The following CTNNBL1 variants were observed in gnomAD, a reference collection of about 807,000 sequenced individuals.
CTNNBL1 encodes catenin beta like 1.
CTNNBL1 carries 31 observed loss-of-function variants against 72.7 expected under a neutral mutation model. The observed-to-expected ratio is 0.43, with a 90% CI of 0.32 to 0.58. The LOEUF (loss-of-function observed/expected upper bound fraction) is 0.58. Ranked by LOEUF, CTNNBL1 falls within the 20% of genes least tolerant of loss-of-function variation. The probability of loss-of-function intolerance (pLI) is 0.08; values close to 1 mark genes in which losing one functional copy is unlikely to be tolerated. For missense variants in CTNNBL1, 534 were observed against 725.1 expected (o/e 0.74, Z 3.03); for synonymous variants, 240 against 267.3 (o/e 0.90, Z 1.00).
At chr20:37,702,349 C>T (rs1018744388) in intron 1 of CTNNBL1, among the ~76,000 whole-genome samples, 4 of 152,182 alleles carry the variant, frequency 2.6e-5, no homozygotes, top group Admixed American at 6.5e-5. Flanking sequence ...ATTGTAATTT[C>T]GTAATTGAGT....
chr20:37,867,205 T>C (rs1465270602), intron 15 of CTNNBL1, among the ~76,000 whole-genome samples: 15 of 152,236 alleles, frequency 9.9e-5, no homozygotes. Context: ...TCTCAGTTTC[T>C]ATTTTGTGGT....
rs568376233 is a variant in CTNNBL1, at chr20:37,782,455, G to C, written c.1031+3120G>C. Among the ~76,000 whole-genome samples the C allele has an allele frequency of 1.2e-4, 19 of 152,208 alleles. 1 individual carries two copies. The South Asian group carries it at 3.7e-3, about 30-fold the overall frequency. The stretch of plus-strand genomic sequence containing the variant: ...TTTATTGAGGCATAATTTTTATACA[G>C]TAAAATGTACGCATTTTAAGTGTAC... On this transcript the variant is annotated intron_variant, in intron 10 of 15. Coordinates refer to ENST00000361383, the MANE Select transcript of CTNNBL1 (RefSeq NM_030877.5).
intron 1 of CTNNBL1, among the ~76,000 whole-genome samples, chr20:37,700,398 C>T (rs978138396): frequency 2.6e-5 from 4 of 152,184 alleles, no homozygotes; most frequent in Admixed American, 1.3e-4. Flanking sequence ...ATTTTTGGGG[C>T]GACTTGGTGG....
At chr20:37,793,543 A>G (rs2073744508) in intron 10 of CTNNBL1, among the ~76,000 whole-genome samples, 1 of 152,152 alleles carries the variant, frequency 6.6e-6, no homozygotes, top group Non-Finnish European at 1.5e-5. Context: ...TTGAATTTGG[A>G]GATAGGGCCT....
chr20:37,717,551 G>A (rs1267702817), intron 1 of CTNNBL1, among the ~76,000 whole-genome samples: 1 of 152,030 alleles, frequency 6.6e-6, no homozygotes, highest in Admixed American at 6.5e-5. Flanking sequence ...GTCAATGGCA[G>A]GTGACCCAGT....
intron 1 of CTNNBL1, among the ~76,000 whole-genome samples, chr20:37,715,230 C>CGG: frequency 6.6e-6 from 1 of 152,286 alleles, no homozygotes; most frequent in Middle Eastern, 3.4e-3. Context: ...CATAGACTGA[C>CGG]GGGCAGCGTT....
At chr20:37,803,843 G>A (rs572348952) in intron 11 of CTNNBL1, among the ~76,000 whole-genome samples, 2 of 152,134 alleles carry the variant, frequency 1.3e-5, no homozygotes, top group Admixed American at 6.5e-5. Flanking sequence ...AGCAATGTTC[G>A]TCCCATGGTT....
intron 11 of CTNNBL1, among the ~76,000 whole-genome samples, chr20:37,831,188 T>C (rs1433740778): frequency 6.6e-6 from 1 of 152,152 alleles, no homozygotes; most frequent in African/African-American, 2.4e-5. Flanking sequence ...GAAAATGTTT[T>C]TCTTCTGTCT....
chr20:37,844,869 G>A (rs1237480860), intron 13 of CTNNBL1, among the ~76,000 whole-genome samples: 1 of 152,168 alleles, frequency 6.6e-6, no homozygotes, highest in African/African-American at 2.4e-5. Flanking sequence ...AGTCACTTGA[G>A]CCTGAGAGGT....
chr20:37,812,626 G>A (rs2072022168), intron 11 of CTNNBL1, among the ~76,000 whole-genome samples: 1 of 152,214 alleles, frequency 6.6e-6, no homozygotes, highest in African/African-American at 2.4e-5. Flanking sequence ...AGGTAGGTCA[G>A]TGAGGCTTCA....
chr20:37,705,108 C>T (rs2072874296), intron 1 of CTNNBL1, among the ~76,000 whole-genome samples: 1 of 152,192 alleles, frequency 6.6e-6, no homozygotes, highest in African/African-American at 2.4e-5. Context: ...TGTTAGGCAT[C>T]CCTTAATGTT....
At chr20:37,724,684 A>G (rs573978550) in intron 1 of CTNNBL1, among the ~76,000 whole-genome samples, 3 of 152,314 alleles carry the variant, frequency 2.0e-5, no homozygotes, top group East Asian at 3.9e-4. Flanking sequence ...GAGCCTCAGA[A>G]TTATTGCAAG....
At chr20:37,774,352 G>A (rs1329751711) in intron 7 of CTNNBL1, among the ~76,000 whole-genome samples, 2 of 152,160 alleles carry the variant, frequency 1.3e-5, no homozygotes, top group African/African-American at 4.8e-5. Flanking sequence ...GAGCCTGTGA[G>A]CATTGGGCCT....
At chr20:37,815,071 C>CTGTGTG (rs540541570) in intron 11 of CTNNBL1, among the ~76,000 whole-genome samples, 39 of 74,740 alleles carry the variant, frequency 5.2e-4, no homozygotes, top group African/African-American at 2.3e-3. Context: ...GTTAGGGACT[C>CTGTGTG]TGTGAGTGTG....
chr20:37,722,625 TC>T (rs2073050950), intron 1 of CTNNBL1, among the ~76,000 whole-genome samples: 1 of 152,226 alleles, frequency 6.6e-6, no homozygotes, highest in South Asian at 2.1e-4. Flanking sequence ...ATTTTAATCT[TC>T]CTATCCCTTA....
At chr20:37,793,961 A>G (rs1449157222) in intron 10 of CTNNBL1, among the ~76,000 whole-genome samples, 32 of 151,770 alleles carry the variant, frequency 2.1e-4, no homozygotes, top group Non-Finnish European at 4.4e-5. Flanking sequence ...TTGTATTTTT[A>G]GTAGAGACGG....
At chr20:37,801,168 T>A (rs2037604146) in intron 10 of CTNNBL1, among the ~76,000 whole-genome samples, 1 of 152,340 alleles carries the variant, frequency 6.6e-6, no homozygotes, top group East Asian at 1.9e-4. Context: ...CAGTAAATAT[T>A]TGTAGATTGA....
chr20:37,713,632 C>A (rs1441265529), intron 1 of CTNNBL1, among the ~76,000 whole-genome samples: 1 of 152,128 alleles, frequency 6.6e-6, no homozygotes, highest in Non-Finnish European at 1.5e-5. Context: ...TGAGGTATTG[C>A]CTCTGCACTA....
intron 1 of CTNNBL1, among the ~76,000 whole-genome samples, chr20:37,722,863 TTG>T (rs2073052701): frequency 1.3e-5 from 2 of 152,240 alleles, no homozygotes; most frequent in Non-Finnish European, 2.9e-5. Context: ...TGATGTCTAA[TTG>T]TCCCTCCAGC....
Sources: allele counts gnomAD v4.1 joint callset (sites outside exome capture counted in the v4.1 genomes callset), GRCh38; gene constraint gnomAD v4.1.1; transcripts MANE v1.5; gene names NCBI Gene and HGNC (gene_info 2026-07-23, HGNC 2026-07-21).